Variants in CSMD1 observed in about 807,000 individuals in gnomAD.
CSMD1 encodes CUB and Sushi multiple domains 1, also known as CUB and sushi domain-containing protein 1.
In CSMD1, 213 loss-of-function variants were observed where a neutral mutation model predicts 417.5. The ratio of observed to expected loss-of-function variants is 0.51; its 90% confidence interval spans 0.46 to 0.57. The LOEUF is 0.57. Ranked by LOEUF, CSMD1 falls within the 20% of genes least tolerant of loss-of-function variation. The pLI, the probability that CSMD1 is intolerant of heterozygous loss-of-function variation, is 0.00. For missense variants in CSMD1, 6,923 were observed against 4,529.7 expected (o/e 1.53, Z -15.17); for synonymous variants, 2,862 against 1,736.8 (o/e 1.65, Z -16.11).
At chr8:3,636,241 T>C (rs1797039033) in intron 7 of CSMD1, among the ~76,000 whole-genome samples, 1 of 152,186 alleles carries the variant, frequency 6.6e-6, no homozygotes, top group Non-Finnish European at 1.5e-5. Flanking sequence ...GGAACTGTCA[T>C]TTTCTAGGAC....
chr8:4,153,174 A>G (rs756355232), intron 3 of CSMD1, among the ~76,000 whole-genome samples: 1 of 152,208 alleles, frequency 6.6e-6, no homozygotes, highest in Admixed American at 6.5e-5. Context: ...CAGGAATAAG[A>G]TAAGCAGAGC....
At chr8:3,535,861 T>G (rs978172042) in intron 10 of CSMD1, among the ~76,000 whole-genome samples, 3 of 152,170 alleles carry the variant, frequency 2.0e-5, no homozygotes, top group Non-Finnish European at 4.4e-5. Flanking sequence ...TATTTGGCCC[T>G]GTTGTAGGTA....
At chr8:3,833,188 C>T (rs1425931452) in intron 5 of CSMD1, among the ~76,000 whole-genome samples, 2 of 152,000 alleles carry the variant, frequency 1.3e-5, no homozygotes, top group Non-Finnish European at 1.5e-5. Context: ...TTAATTTGTC[C>T]AAAGAATTTT....
chr8:4,741,204 C>G (rs1189280254), intron 1 of CSMD1, among the ~76,000 whole-genome samples: 1 of 152,060 alleles, frequency 6.6e-6, no homozygotes, highest in African/African-American at 2.4e-5. Context: ...CAACAGAAGA[C>G]CCTAGTGCCA....
At chr8:4,368,414 T>A (rs1055881915) in intron 3 of CSMD1, among the ~76,000 whole-genome samples, 2 of 152,176 alleles carry the variant, frequency 1.3e-5, no homozygotes, top group Admixed American at 6.5e-5. Flanking sequence ...TCATCAGGAA[T>A]ATTTGCCAGA....
chr8:3,694,983 A>G (rs1166769303), intron 7 of CSMD1, among the ~76,000 whole-genome samples: 1 of 151,978 alleles, frequency 6.6e-6, no homozygotes, highest in African/African-American at 2.4e-5. Flanking sequence ...ATCCTACCTG[A>G]GTTTTTAAAG....
intron 6 of CSMD1, among the ~76,000 whole-genome samples, chr8:3,738,212 A>T (rs1158614597): frequency 1.3e-5 from 2 of 152,214 alleles, no homozygotes; most frequent in Non-Finnish European, 2.9e-5. Context: ...AATTATATGA[A>T]GTAGTGAATT....
chr8:4,068,361 C>G (rs923767843), intron 3 of CSMD1, among the ~76,000 whole-genome samples: 1 of 152,102 alleles, frequency 6.6e-6, no homozygotes, highest in African/African-American at 2.4e-5. Flanking sequence ...GAGAGGGGAT[C>G]TTATTTGTCA....
chr8:4,945,129 G>C (rs889313577), intron 1 of CSMD1, among the ~76,000 whole-genome samples: 2 of 152,108 alleles, frequency 1.3e-5, no homozygotes, highest in African/African-American at 4.8e-5. Context: ...AATATAATCA[G>C]CGTAATTAGC....
chr8:3,493,833 C>A (rs866538582), intron 10 of CSMD1, 107 bp from the exon 11 acceptor site: 1 of 802,330 alleles, frequency 1.2e-6, no homozygotes, highest in Non-Finnish European at 2.0e-6. Flanking sequence ...CTCCTTAATG[C>A]CAATGTCAAA....
At chr8:4,778,000 A>C (rs1280068701) in intron 1 of CSMD1, among the ~76,000 whole-genome samples, 3 of 152,324 alleles carry the variant, frequency 2.0e-5, no homozygotes, top group East Asian at 3.9e-4. Flanking sequence ...CATGATGGCA[A>C]ATTCTTAAAT....
At chr8:3,430,976 T>C (rs1814182679) in intron 12 of CSMD1, among the ~76,000 whole-genome samples, 1 of 152,220 alleles carries the variant, frequency 6.6e-6, no homozygotes. Context: ...CTTTTCTCAC[T>C]GCATTGTCTG....
chr8:3,845,244 CAT>C (rs1219371876), intron 5 of CSMD1, among the ~76,000 whole-genome samples: 1 of 152,156 alleles, frequency 6.6e-6, no homozygotes, highest in African/African-American at 2.4e-5. Context: ...TTGAGAAACA[CAT>C]AGTTTGCTGA....
intron 3 of CSMD1, among the ~76,000 whole-genome samples, chr8:4,280,532 G>A (rs934807488): frequency 3.3e-5 from 5 of 152,168 alleles, no homozygotes; most frequent in African/African-American, 7.2e-5. Flanking sequence ...TGTTTACAGT[G>A]CCCACATTTG....
chr8:4,104,517 C>A (rs565449948), intron 3 of CSMD1, among the ~76,000 whole-genome samples: 1 of 152,136 alleles, frequency 6.6e-6, no homozygotes, highest in Non-Finnish European at 1.5e-5. Flanking sequence ...TGAGGCCCCA[C>A]CCTCCCACAC....
intron 1 of CSMD1, among the ~76,000 whole-genome samples, chr8:4,854,967 A>G (rs537922857): frequency 6.3e-4 from 96 of 152,332 alleles, no homozygotes; most frequent in Non-Finnish European, 1.1e-3. Context: ...GGCAGGGCAC[A>G]GACAAACAAA....
At chr8:4,358,831 T>C (rs926024071) in intron 3 of CSMD1, among the ~76,000 whole-genome samples, 2 of 152,170 alleles carry the variant, frequency 1.3e-5, no homozygotes, top group Non-Finnish European at 2.9e-5. Context: ...AAGAGTGCCT[T>C]GGTTTCAGTG....
At chr8:4,162,175 G>A (rs1037935027) in intron 3 of CSMD1, among the ~76,000 whole-genome samples, 2 of 152,162 alleles carry the variant, frequency 1.3e-5, no homozygotes, top group Admixed American at 6.6e-5. Context: ...TGCCTGCTTT[G>A]CGCAACTTTT....
chr8:4,339,054 G>C (rs1026877298), intron 3 of CSMD1, among the ~76,000 whole-genome samples: 2 of 152,044 alleles, frequency 1.3e-5, no homozygotes, highest in East Asian at 3.9e-4. Flanking sequence ...AATCTACCGG[G>C]AACTATTGCT....
Sources: gnomAD v4.1 joint callset for allele counts (sites outside exome capture counted in the v4.1 genomes callset) on GRCh38, gnomAD v4.1.1 for gene constraint, MANE v1.5 for transcripts, NCBI Gene and HGNC (gene_info 2026-07-23, HGNC 2026-07-21) for gene names.